Variants in FAM107B observed in about 807,000 individuals in gnomAD.
The protein encoded by FAM107B is protein FAM107B.
In FAM107B, 21 loss-of-function variants were observed where a neutral mutation model predicts 31.5. That is an observed-to-expected ratio of 0.67 (90% CI 0.47 to 0.96). The LOEUF is 0.96. Among genes scored for constraint, FAM107B ranks in the 40% least tolerant of loss-of-function variants. The probability of loss-of-function intolerance (pLI) is 0.00; values close to 1 mark genes in which losing one functional copy is unlikely to be tolerated. For missense variants in FAM107B, 452 were observed against 377.1 expected, an observed-to-expected ratio of 1.20 and a Z score of -1.64; for synonymous variants, 157 against 141.5, an observed-to-expected ratio of 1.11 and a Z score of -0.78.
chr10:14,705,715 G>A (rs1426438093), intron 1 of FAM107B, among the ~76,000 whole-genome samples: 1 of 152,080 alleles, frequency 6.6e-6, no homozygotes, highest in African/African-American at 2.4e-5. Flanking sequence ...GCTAGGTGGA[G>A]AAGAAAAGGG....
chr10:14,546,471 T>TA (rs1848704436), intron 2 of FAM107B, among the ~76,000 whole-genome samples: 1 of 152,228 alleles, frequency 6.6e-6, no homozygotes, highest in Non-Finnish European at 1.5e-5. Flanking sequence ...TAAGTACACT[T>TA]TAATAACAGC....
intron 2 of FAM107B, among the ~76,000 whole-genome samples, chr10:14,648,887 GAC>G (rs894380296): frequency 3.3e-5 from 5 of 152,278 alleles, no homozygotes; most frequent in Admixed American, 3.3e-4. Flanking sequence ...GATTAAAAAA[GAC>G]ACAGAGACAA....
intron 1 of FAM107B, among the ~76,000 whole-genome samples, chr10:14,725,913 C>A (rs1233937489): frequency 6.8e-6 from 1 of 147,796 alleles, no homozygotes; most frequent in African/African-American, 2.5e-5. Context: ...GCAACCTTCA[C>A]CTCCCAGGTT....
chr10:14,634,740 T>C (rs943413613), intron 2 of FAM107B, among the ~76,000 whole-genome samples: 1 of 152,148 alleles, frequency 6.6e-6, no homozygotes, highest in Non-Finnish European at 1.5e-5. Flanking sequence ...AGTCAGATGA[T>C]GCCATCACTG....
chr10:14,685,642 A>C (rs919396125), intron 1 of FAM107B, among the ~76,000 whole-genome samples: 2 of 152,164 alleles, frequency 1.3e-5, no homozygotes, highest in African/African-American at 4.8e-5. Context: ...AGTCTCAGAA[A>C]GTAGGGAAGG....
In FAM107B at chr10:14,716,677, C is replaced by A. The variant is rs189028522; in HGVS notation, c.412-48986G>T. On this transcript the variant is annotated intron_variant, in intron 1 of 4. Coordinates refer to ENST00000181796, the MANE Select transcript of FAM107B (RefSeq NM_031453.4). ...GGAGAGTACTTGATATGATGTCAAG[C>A]GATCACAGGTTTGAATCTTGGCTCC... 3.9e-5 allele frequency among the ~76,000 whole-genome samples: 6 copies of A among 152,232 alleles called. No individual in the cohort carries two copies. The East Asian group carries it at 1.2e-3, about 29-fold the overall frequency.
chr10:14,595,973 G>A (rs926766792), intron 2 of FAM107B, among the ~76,000 whole-genome samples: 2 of 152,102 alleles, frequency 1.3e-5, no homozygotes, highest in African/African-American at 4.8e-5. Context: ...TCTCCTGCAC[G>A]CCCTGCTCAG....
At position 14,628,561 on chromosome 10, in the gene FAM107B, T is replaced by C. The variant is rs1450866243; in HGVS notation, c.469+39073A>G. 2.6e-5 allele frequency among the ~76,000 whole-genome samples: 4 copies of C among 152,162 alleles called. No individual in the cohort carries two copies. In the East Asian group the frequency reaches 7.7e-4, roughly 29 times the overall value. Reference sequence around the variant, plus strand: ...AAACTTCTTAGAAAGATAAATGAAATGAACGTGGGATACTGTAATTGGTTC... The same window carrying C: ...AAACTTCTTAGAAAGATAAATGAAACGAACGTGGGATACTGTAATTGGTTC... On this transcript the variant is annotated intron_variant, in intron 2 of 4. Transcript: ENST00000181796.
chr10:14,601,059 A>G (rs756929640), intron 2 of FAM107B, among the ~76,000 whole-genome samples: 20 of 152,196 alleles, frequency 1.3e-4, no homozygotes, highest in Non-Finnish European at 2.5e-4. Flanking sequence ...AAGCCACTGT[A>G]CCCAGCCCAG....
chr10:14,696,040 C>T (rs1353207151), intron 1 of FAM107B, among the ~76,000 whole-genome samples: 1 of 152,212 alleles, frequency 6.6e-6, no homozygotes, highest in Non-Finnish European at 1.5e-5. Flanking sequence ...TGAGAGTGGG[C>T]ATCCTTAACT....
intron 1 of FAM107B, among the ~76,000 whole-genome samples, chr10:14,733,491 A>G (rs1021181068): frequency 6.6e-6 from 1 of 152,198 alleles, no homozygotes; most frequent in African/African-American, 2.4e-5. Flanking sequence ...TAGTTCCTAA[A>G]TGAAGGGTAG....
chr10:14,712,479 C>T (rs529699357), intron 1 of FAM107B, among the ~76,000 whole-genome samples: 34 of 151,524 alleles, frequency 2.2e-4, no homozygotes, highest in African/African-American at 6.3e-4. Flanking sequence ...TTGTAACCCC[C>T]GCTACTAGGG....
intron 2 of FAM107B, among the ~76,000 whole-genome samples, chr10:14,625,325 T>G (rs1312109807): frequency 6.6e-6 from 1 of 151,696 alleles, no homozygotes; most frequent in Non-Finnish European, 1.5e-5. Flanking sequence ...CAACCTGCCA[T>G]GAAATCTCTG....
rs149779909 is a variant in FAM107B at position 14,578,358 on chromosome 10, C to G, written c.470-47843G>C. Among the ~76,000 whole-genome samples the G allele has an allele frequency of 3.3e-5, 5 of 152,320 alleles. No homozygotes were observed. In the East Asian group the frequency reaches 9.6e-4, roughly 29 times the overall value. The stretch of plus-strand genomic sequence containing the variant: ...CTCATCTGTCTTCACTCTGCCAAAC[C>G]TCTTTGAGTAATTTCCTCAACGTTA... On this transcript the variant is annotated intron_variant, in intron 2 of 4. Coordinates refer to ENST00000181796, the MANE Select transcript of FAM107B (RefSeq NM_031453.4).
At chr10:14,634,497 C>T (rs1853447034) in intron 2 of FAM107B, among the ~76,000 whole-genome samples, 1 of 151,540 alleles carries the variant, frequency 6.6e-6, no homozygotes, top group African/African-American at 2.4e-5. Context: ...AATAGCTTTT[C>T]AAGAGAATGG....
intron 1 of FAM107B, among the ~76,000 whole-genome samples, chr10:14,679,811 G>C (rs1433504791): frequency 2.6e-5 from 4 of 152,192 alleles, no homozygotes; most frequent in African/African-American, 9.7e-5. Flanking sequence ...CATCTAATCA[G>C]CTGCCAGCAC....
intron 2 of FAM107B, among the ~76,000 whole-genome samples, chr10:14,622,994 A>G (rs1157188695): frequency 6.6e-6 from 1 of 152,224 alleles, no homozygotes; most frequent in Non-Finnish European, 1.5e-5. Context: ...AAGCAACCTG[A>G]GTAAAGCATC....
intron 1 of FAM107B, among the ~76,000 whole-genome samples, chr10:14,682,701 T>C (rs546198885): frequency 9.9e-5 from 15 of 151,640 alleles, no homozygotes; most frequent in Non-Finnish European, 1.9e-4. Context: ...TGAGAACACA[T>C]GGACACAGGG....
At chr10:14,595,016 AAG>A (rs995239196) in intron 2 of FAM107B, among the ~76,000 whole-genome samples, 1 of 152,104 alleles carries the variant, frequency 6.6e-6, no homozygotes, top group African/African-American at 2.4e-5. Context: ...AACCAGACCC[AAG>A]AGAGAGGCCA....
Sources: allele counts gnomAD v4.1 joint callset (sites outside exome capture counted in the v4.1 genomes callset), GRCh38; gene constraint gnomAD v4.1.1; transcripts MANE v1.5; gene names NCBI Gene and HGNC (gene_info 2026-07-23, HGNC 2026-07-21).